PALM2AKAP2: variants seen among roughly 807,000 people sequenced by gnomAD.
PALM2AKAP2 encodes the protein PALM2 and AKAP2 fusion, also known as PALM2-AKAP2 fusion protein.
PALM2AKAP2 carries 37 observed loss-of-function variants against 71.5 expected under a neutral mutation model. The ratio of observed to expected loss-of-function variants is 0.52; its 90% CI spans 0.40 to 0.68. The LOEUF is 0.68. PALM2AKAP2 is among the 30% of genes least tolerant of loss of function. The pLI is 0.00. For synonymous variants in PALM2AKAP2, 468 were observed against 478.8 expected (o/e 0.98, Z 0.29); for missense variants, 1,224 against 1,191.8 (o/e 1.03, Z -0.40).
In PALM2AKAP2 at chr9:110,057,378, TTTG is replaced by T. The variant is rs1277340046; in HGVS notation, c.156+8526_156+8528del. On this transcript the variant is annotated intron_variant, in intron 1 of 3. Transcript: ENST00000374525. The stretch of plus-strand genomic sequence containing the variant: ...CAGCTCCTTCTCTGTTTTTTTTTTT[TTTG>T]TTTTTTTGTTTTTTTTTTTGCAACA... Among the ~76,000 whole-genome samples the T allele has an allele frequency of 2.2e-3, 287 of 131,742 alleles. 2 individuals are homozygous for T. The highest frequency in any genetic ancestry group is 8.3e-3 in the African/African-American group (278 of 33,462). The allele number at this position is 131,742 out of a possible 152,430, so 86.4% of individuals were successfully genotyped here. A position where few individuals can be genotyped will look rare whatever the true frequency, so the allele number is the denominator to read the frequency against.
chr9:109,827,051 C>A (rs1471077690), intron 1 of PALM2AKAP2, among the ~76,000 whole-genome samples: 1 of 152,114 alleles, frequency 6.6e-6, no homozygotes, highest in African/African-American at 2.4e-5. Context: ...TATTAAGGGC[C>A]TTTCTGAACT....
At chr9:109,964,964 A>G (rs1408119095) in intron 6 of PALM2AKAP2, among the ~76,000 whole-genome samples, 1 of 152,166 alleles carries the variant, frequency 6.6e-6, no homozygotes, top group Non-Finnish European at 1.5e-5. Flanking sequence ...GTCATCTTTC[A>G]TCTGTTTCTT....
exon 2 of PALM2AKAP2, chr9:110,136,763 G>A (rs146014470): frequency 1.7e-5 from 28 of 1,614,096 alleles, no homozygotes; most frequent in Non-Finnish European, 2.0e-5. Context: ...ACTGAAAAAG[G>A]AGGCCAAGTT....
intron 1 of PALM2AKAP2, among the ~76,000 whole-genome samples, chr9:109,717,793 G>A (rs1828348248): frequency 1.3e-5 from 2 of 152,338 alleles, no homozygotes; most frequent in Admixed American, 6.5e-5. Context: ...GAAGTCTGAA[G>A]TCTCAAATGA....
chr9:109,965,201 G>C (rs1930255), intron 6 of PALM2AKAP2, among the ~76,000 whole-genome samples: 25,901 of 152,160 alleles, frequency 0.17, 2,524 homozygotes, highest in East Asian at 0.42. Context: ...TAATCCCTAC[G>C]ATAGATTTGT....
intron 1 of PALM2AKAP2, among the ~76,000 whole-genome samples, chr9:109,757,932 A>C (rs770020011): frequency 5.3e-5 from 8 of 152,046 alleles, no homozygotes; most frequent in Admixed American, 3.9e-4. Flanking sequence ...TCATGGCCCA[A>C]AATTCAAAAT....
chr9:110,011,105 C>T (rs1252875243), intron 6 of PALM2AKAP2, among the ~76,000 whole-genome samples: 2 of 132,560 alleles, frequency 1.5e-5, no homozygotes, highest in African/African-American at 5.7e-5. Context: ...CTATATATTC[C>T]ATATATATTC....
chr9:109,681,985 C>T (rs774362406), intron 1 of PALM2AKAP2, among the ~76,000 whole-genome samples: 5 of 152,156 alleles, frequency 3.3e-5, no homozygotes, highest in Non-Finnish European at 7.3e-5. Flanking sequence ...TAATGCTAAC[C>T]TGAAGCCCTG....
chr9:110,015,218 G>T (rs180962367), intron 6 of PALM2AKAP2, among the ~76,000 whole-genome samples: 6 of 152,282 alleles, frequency 3.9e-5, no homozygotes, highest in Admixed American at 2.6e-4. Flanking sequence ...ATTGGGTATT[G>T]AATTAGATGT....
intron 1 of PALM2AKAP2, among the ~76,000 whole-genome samples, chr9:109,700,010 G>A (rs1042783100): frequency 3.9e-5 from 6 of 152,208 alleles, no homozygotes; most frequent in Admixed American, 2.0e-4. Context: ...TCCTGACCTC[G>A]TAATCTGCCC....
chr9:109,998,781 AAGG>A (rs1446088018), intron 6 of PALM2AKAP2, among the ~76,000 whole-genome samples: 1 of 148,338 alleles, frequency 6.7e-6, no homozygotes, highest in Non-Finnish European at 1.5e-5. Context: ...AAAAAAAAAA[AAGG>A]GGGGATAGTC....
intron 3 of PALM2AKAP2, among the ~76,000 whole-genome samples, chr9:109,882,910 A>C (rs1203622418): frequency 6.6e-6 from 1 of 152,052 alleles, no homozygotes; most frequent in East Asian, 1.9e-4. Flanking sequence ...CAGTCTCCCA[A>C]AGTGTTGGGA....
rs548799633 is a variant in PALM2AKAP2, at chr9:110,171,925, G to A, written c.*3428G>A. The A allele has an allele frequency of 4.1e-4, 62 of 152,748 alleles. 1 individual carries two copies. Among genetic ancestry groups the A allele is most frequent in the African/African-American group, 1.4e-3 (60 of 41,554 alleles). The allele number at this position is 152,748 out of a possible 1,614,324, so 9.5% of individuals were successfully genotyped here. A position where few individuals can be genotyped will look rare whatever the true frequency, so the allele number is the denominator to read the frequency against. On this transcript the variant is annotated 3_prime_UTR_variant, in exon 4 of 4. Coordinates refer to ENST00000374525, the Ensembl canonical transcript of PALM2AKAP2. ...AAACAGGGTCTGTCAGTGGCAGGAGGCCGTGCTGTGTTTTACTTGGATGAC... is the reference window on the plus strand; with the variant it reads ...AAACAGGGTCTGTCAGTGGCAGGAGACCGTGCTGTGTTTTACTTGGATGAC...
intron 6 of PALM2AKAP2, among the ~76,000 whole-genome samples, chr9:110,012,161 C>T (rs368905163): frequency 3.3e-5 from 5 of 151,988 alleles, no homozygotes; most frequent in Admixed American, 1.3e-4. Context: ...GGCATGGTGG[C>T]GGGTGCCTGT....
At chr9:109,907,329 G>A (rs544375359) in intron 3 of PALM2AKAP2, among the ~76,000 whole-genome samples, 3 of 152,302 alleles carry the variant, frequency 2.0e-5, no homozygotes, top group East Asian at 1.9e-4. Context: ...GATAATGCTC[G>A]ATAAACATGA....
At chr9:110,138,602 T>C in intron 2 of PALM2AKAP2, 63 bp downstream of exon 8, 1 of 1,478,470 alleles carries the variant, frequency 6.8e-7, no homozygotes, top group Non-Finnish European at 9.0e-7. Context: ...TGATTCCAGC[T>C]CATGGGTTTC....
At chr9:110,078,799 A>G (rs1834380709) in intron 1 of PALM2AKAP2, among the ~76,000 whole-genome samples, 1 of 152,242 alleles carries the variant, frequency 6.6e-6, no homozygotes, top group African/African-American at 2.4e-5. Flanking sequence ...TAATCTAGAA[A>G]AGAATCAGCT....
chr9:110,129,344 A>T (rs1835684396), intron 1 of PALM2AKAP2, among the ~76,000 whole-genome samples: 1 of 152,168 alleles, frequency 6.6e-6, no homozygotes, highest in Non-Finnish European at 1.5e-5. Context: ...CTCTGTTTTG[A>T]TCCATCCACT....
chr9:109,795,116 C>T (rs1827216152), intron 1 of PALM2AKAP2, among the ~76,000 whole-genome samples: 1 of 152,116 alleles, frequency 6.6e-6, no homozygotes, highest in South Asian at 2.1e-4. Flanking sequence ...TCTGTGGGGC[C>T]GATCTTTTGC....
Sources: gnomAD v4.1 joint callset for allele counts (sites outside exome capture counted in the v4.1 genomes callset) on GRCh38, gnomAD v4.1.1 for gene constraint, MANE v1.5 for transcripts, NCBI Gene and HGNC (gene_info 2026-07-23, HGNC 2026-07-21) for gene names.